The following FAF1 variants were observed in gnomAD, a reference collection of about 807,000 sequenced individuals.
FAF1 encodes FAS-associated factor 1.
In FAF1, 25 loss-of-function variants were observed where a neutral mutation model predicts 92.5. The observed-to-expected ratio is 0.27, with a 90% CI of 0.20 to 0.38. The LOEUF (loss-of-function observed/expected upper bound fraction) is 0.38, where lower values mean the gene tolerates loss of function less well. Ranked by LOEUF, FAF1 falls within the 10% of genes least tolerant of loss-of-function variation. The pLI is 1.00. For missense variants in FAF1, 636 were observed against 793.3 expected (o/e 0.80, Z 2.38); for synonymous variants, 234 against 273.2 (o/e 0.86, Z 1.42).
At chr1:50,600,779 A>G (rs1206608262) in intron 8 of FAF1, among the ~76,000 whole-genome samples, 1 of 152,218 alleles carries the variant, frequency 6.6e-6, no homozygotes, top group Admixed American at 6.5e-5. Flanking sequence ...GACAGACATT[A>G]AAGAGATTTG....
At position 50,475,468 on chromosome 1, in the gene FAF1, C is replaced by T; in HGVS notation, c.1865G>A (p.Arg622Lys). The stretch of plus-strand genomic sequence containing the variant: ...GAGATAGGTATGGGAACTTACGTCT[C>T]TCCTAGGAAAGGTGCTCAGTAACTT... ...EYKLLSTFPR[R>K]DVTQLDPNKS... Residue 622 changes from arginine to lysine, a missense_variant, in exon 18 of 19, where the codon AGA becomes AAA. Coordinates refer to ENST00000396153, the MANE Select transcript of FAF1 (RefSeq NM_007051.3). 6.2e-7 allele frequency: 1 copy of T among 1,611,786 alleles called. No homozygotes were observed. The highest frequency in any genetic ancestry group is 8.5e-7 in the Non-Finnish European group (1 of 1,178,104).
intron 16 of FAF1, 89 bp downstream of exon 16, chr1:50,491,632 A>C: frequency 1.2e-6 from 1 of 869,008 alleles, no homozygotes; most frequent in Non-Finnish European, 1.9e-6. Flanking sequence ...TTGCAAACCC[A>C]GTATTTTTAG....
intron 17 of FAF1, among the ~76,000 whole-genome samples, chr1:50,490,197 T>C (rs1646814162): frequency 6.6e-6 from 1 of 151,968 alleles, no homozygotes. Context: ...CTGTCTCTAC[T>C]AAAAATACAA....
chr1:50,749,458 G>A (rs956882480), intron 4 of FAF1, among the ~76,000 whole-genome samples: 44 of 152,126 alleles, frequency 2.9e-4, no homozygotes, highest in African/African-American at 1.0e-3. Flanking sequence ...AAAAAAAGCT[G>A]GAATCATGAC....
intron 7 of FAF1, among the ~76,000 whole-genome samples, chr1:50,665,737 A>G (rs1655587391): frequency 6.6e-6 from 1 of 152,138 alleles, no homozygotes; most frequent in African/African-American, 2.4e-5. Context: ...AAATTTGCTG[A>G]CCCCTAATAT....
chr1:50,737,530 C>T (rs1659191855), intron 6 of FAF1, among the ~76,000 whole-genome samples: 2 of 152,260 alleles, frequency 1.3e-5, no homozygotes, highest in Middle Eastern at 3.4e-3. Context: ...AGGTTCACAT[C>T]AACATTATTA....
intron 9 of FAF1, among the ~76,000 whole-genome samples, chr1:50,595,203 C>T (rs903280747): frequency 7.9e-5 from 12 of 151,790 alleles, no homozygotes; most frequent in African/African-American, 1.9e-4. Context: ...TAAAGGAATG[C>T]GCCACCACAC....
intron 17 of FAF1, among the ~76,000 whole-genome samples, chr1:50,484,801 C>T (rs74929965): frequency 6.6e-6 from 1 of 152,078 alleles, no homozygotes; most frequent in African/African-American, 2.4e-5. Context: ...CAGGCTTATA[C>T]GTTAGGTAAA....
chr1:50,455,541 T>G (rs1646340282), intron 18 of FAF1, among the ~76,000 whole-genome samples: 1 of 152,124 alleles, frequency 6.6e-6, no homozygotes, highest in Non-Finnish European at 1.5e-5. Context: ...AAGCCAATGG[T>G]TTTGTTCTAG....
At chr1:50,737,158 G>A (rs1319159520) in intron 6 of FAF1, among the ~76,000 whole-genome samples, 6 of 152,074 alleles carry the variant, frequency 3.9e-5, no homozygotes, top group Non-Finnish European at 7.3e-5. Flanking sequence ...AATCCACAAA[G>A]CCAAATAGAG....
At chr1:50,882,620 AT>A (rs1344628598) in intron 1 of FAF1, among the ~76,000 whole-genome samples, 8 of 150,754 alleles carry the variant, frequency 5.3e-5, no homozygotes, top group African/African-American at 1.9e-4. Flanking sequence ...AAATAAATAA[AT>A]AAATAAATAA....
chr1:50,475,666 G>C lies in FAF1; in HGVS notation c.1667C>G (p.Ser556Cys). 1 of 1,613,698 alleles carries C rather than the reference G, an allele frequency of 6.2e-7. No homozygotes were observed. Among genetic ancestry groups the C allele is most frequent in the Non-Finnish European group, 8.5e-7 (1 of 1,179,820 alleles). Residue 556 changes from serine to cysteine, a missense_variant, in exon 18 of 19, where the codon TCC becomes TGC. By Grantham distance (112) the Ser-to-Cys change is moderately radical. This residue lies in a region of FAF1 where 319 missense variants were observed against 451.0 expected (regional missense o/e 0.71). Coordinates refer to ENST00000396153, the MANE Select transcript of FAF1 (RefSeq NM_007051.3). ...QEEEREAIRL[S>C]LEQALPPEPK... ...CTCAGGAGGCAGGGCTTGCTCTAAG[G>C]ACAGCCGGATGGCCTAGGGAGAGCA...
intron 8 of FAF1, among the ~76,000 whole-genome samples, chr1:50,649,785 C>CAAAAAA (rs535636319): frequency 6.9e-5 from 5 of 72,920 alleles, no homozygotes; most frequent in East Asian, 6.9e-4. Context: ...ACTAAAACTA[C>CAAAAAA]AAAAAAAAAA....
At chr1:50,457,447 T>A (rs2148985061) in intron 18 of FAF1, among the ~76,000 whole-genome samples, 1 of 152,310 alleles carries the variant, frequency 6.6e-6, no homozygotes, top group East Asian at 1.9e-4. Context: ...TGCAGTTGTT[T>A]GTGTTTACAA....
At chr1:50,709,958 C>A (rs756318141) in intron 6 of FAF1, among the ~76,000 whole-genome samples, 1 of 152,018 alleles carries the variant, frequency 6.6e-6, no homozygotes, top group East Asian at 1.9e-4. Flanking sequence ...AGTTCAGAAA[C>A]GACGATGGGG....
intron 8 of FAF1, among the ~76,000 whole-genome samples, chr1:50,632,539 C>T (rs1339441280): frequency 6.6e-6 from 1 of 152,138 alleles, no homozygotes; most frequent in East Asian, 1.9e-4. Context: ...CTATTTAGTT[C>T]ATTCTACTTG....
At chr1:50,460,640 C>T (rs1279284667) in intron 18 of FAF1, among the ~76,000 whole-genome samples, 1 of 150,930 alleles carries the variant, frequency 6.6e-6, no homozygotes, top group African/African-American at 2.4e-5. Flanking sequence ...TATATACACA[C>T]ACTTTTTTTT....
At chr1:50,955,487 G>A (rs1645258280) in intron 1 of FAF1, among the ~76,000 whole-genome samples, 1 of 152,170 alleles carries the variant, frequency 6.6e-6, no homozygotes, top group South Asian at 2.1e-4. Flanking sequence ...TTTGCTCAGA[G>A]CTGATTTTTA....
At chr1:50,522,883 A>G (rs1647578201) in intron 15 of FAF1, among the ~76,000 whole-genome samples, 1 of 152,196 alleles carries the variant, frequency 6.6e-6, no homozygotes, top group African/African-American at 2.4e-5. Flanking sequence ...ACTCAAAAAG[A>G]AACTCTGTAC....
Sources: allele counts gnomAD v4.1 joint callset (sites outside exome capture counted in the v4.1 genomes callset), GRCh38; gene constraint gnomAD v4.1.1; regional missense constraint gnomAD v4.1.1; transcripts MANE v1.5; gene names NCBI Gene and HGNC (gene_info 2026-07-23, HGNC 2026-07-21).